Variants in GAB2 observed in about 807,000 individuals in gnomAD.
The protein encoded by GAB2 is GRB2-associated-binding protein 2.
A neutral mutation model predicts 65.5 loss-of-function variants in GAB2; 26 were observed. The ratio of observed to expected loss-of-function variants is 0.40; its 90% CI spans 0.29 to 0.55. The LOEUF (loss-of-function observed/expected upper bound fraction) is 0.55. Among genes scored for constraint, GAB2 ranks in the 20% least tolerant of loss-of-function variants. The probability of loss-of-function intolerance (pLI) is 0.53; values close to 1 mark genes in which losing one functional copy is unlikely to be tolerated. For missense variants in GAB2, 884 were observed against 875.8 expected (o/e 1.01, Z -0.12); for synonymous variants, 321 against 329.6 (o/e 0.97, Z 0.28).
At chr11:78,291,294 CAAAAAAA>C (rs397848614) in intron 1 of GAB2, among the ~76,000 whole-genome samples, 3 of 103,838 alleles carry the variant, frequency 2.9e-5, no homozygotes, top group African/African-American at 7.7e-5. Context: ...ACTAAAACGA[CAAAAAAA>C]AAAAAAAAAA....
intron 2 of GAB2, among the ~76,000 whole-genome samples, chr11:78,266,743 C>A (rs1227366861): frequency 6.6e-6 from 1 of 152,106 alleles, no homozygotes; most frequent in Non-Finnish European, 1.5e-5. Context: ...AAGAGGAGTT[C>A]CAAGGCTGGT....
chr11:78,267,657 G>C (rs1371050615), intron 2 of GAB2, among the ~76,000 whole-genome samples: 3 of 151,776 alleles, frequency 2.0e-5, no homozygotes, highest in Non-Finnish European at 4.4e-5. Flanking sequence ...AGGAGATCGA[G>C]ACCATCCTGG....
chr11:78,219,196 CGGGAGAG>C lies in GAB2; in HGVS notation c.*69_*75del, dbSNP rs368153717. The stretch of plus-strand genomic sequence containing the variant: ...GAGAGGAGGTGGATGGGAGGAAGAA[CGGGAGAG>C]GGGAGAGGGGAGATGGGAAGGGCCA... On this transcript the variant is annotated 3_prime_UTR_variant, in exon 10 of 10. Transcript: ENST00000361507. 7.3e-4 allele frequency: 1,006 copies of C among 1,371,416 alleles called. 4 individuals are homozygous for C. In the African/African-American group the frequency reaches 0.011, roughly 15 times the overall value. The allele number at this position is 1,371,416 out of a possible 1,614,324, so 85.0% of individuals were successfully genotyped here.
chr11:78,225,853 G>C (rs1473478553), intron 4 of GAB2, among the ~76,000 whole-genome samples: 2 of 152,184 alleles, frequency 1.3e-5, no homozygotes, highest in East Asian at 1.9e-4. Flanking sequence ...ACAAGAAAAG[G>C]CTTTGCAAAC....
chr11:78,317,558 CAAAAA>C (rs370515492), intron 1 of GAB2, among the ~76,000 whole-genome samples: 1 of 60,806 alleles, frequency 1.6e-5, no homozygotes, highest in Non-Finnish European at 3.2e-5. Context: ...GACTCCGTCT[CAAAAA>C]AAAAAAAAAA....
At chr11:78,412,174 C>A (rs761582172) in intron 1 of GAB2, among the ~76,000 whole-genome samples, 2 of 151,404 alleles carry the variant, frequency 1.3e-5, no homozygotes, top group African/African-American at 4.8e-5. Flanking sequence ...TACTCAAATT[C>A]TTGAAGACAT....
chr11:78,235,092 T>G (rs1864948564), intron 3 of GAB2, among the ~76,000 whole-genome samples: 1 of 152,138 alleles, frequency 6.6e-6, no homozygotes, highest in Admixed American at 6.5e-5. Context: ...GAGATTAACA[T>G]TAGGCTCCTT....
intron 1 of GAB2, among the ~76,000 whole-genome samples, chr11:78,407,940 A>C (rs911172899): frequency 6.6e-6 from 1 of 152,168 alleles, no homozygotes; most frequent in African/African-American, 2.4e-5. Flanking sequence ...AAATAATTCA[A>C]TATCCAGTGA....
At chr11:78,394,772 A>T (rs1486291713) in intron 1 of GAB2, among the ~76,000 whole-genome samples, 1 of 152,220 alleles carries the variant, frequency 6.6e-6, no homozygotes, top group Non-Finnish European at 1.5e-5. Context: ...ACGGCTGCCC[A>T]ATAAGCAAGT....
At chr11:78,400,192 T>C (rs1856951239) in intron 1 of GAB2, among the ~76,000 whole-genome samples, 2 of 152,222 alleles carry the variant, frequency 1.3e-5, no homozygotes, top group Non-Finnish European at 2.9e-5. Flanking sequence ...ACACCCCATG[T>C]GCACCACCTC....
chr11:78,291,724 T>C (rs1866687266), intron 1 of GAB2, among the ~76,000 whole-genome samples: 1 of 145,324 alleles, frequency 6.9e-6, no homozygotes, highest in Admixed American at 6.9e-5. Context: ...GGATGCGCCA[T>C]CATACCCAGT....
intron 1 of GAB2, among the ~76,000 whole-genome samples, chr11:78,302,864 T>C (rs541774569): frequency 6.6e-6 from 1 of 152,132 alleles, no homozygotes; most frequent in African/African-American, 2.4e-5. Flanking sequence ...TAGTCGACCA[T>C]AAAAAGGAAT....
chr11:78,370,045 C>A (rs1362787826), intron 1 of GAB2, among the ~76,000 whole-genome samples: 1 of 151,852 alleles, frequency 6.6e-6, no homozygotes, highest in Admixed American at 6.6e-5. Context: ...ATCACGAGGT[C>A]AGGAGATCGA....
intron 1 of GAB2, among the ~76,000 whole-genome samples, chr11:78,383,538 A>T (rs192990626): frequency 6.8e-5 from 10 of 147,180 alleles, no homozygotes; most frequent in Admixed American, 3.4e-4. Context: ...TGAGCCCAGG[A>T]GTTTGAGACC....
At chr11:78,297,447 T>A (rs1438499762) in intron 1 of GAB2, among the ~76,000 whole-genome samples, 2 of 152,248 alleles carry the variant, frequency 1.3e-5, no homozygotes, top group East Asian at 3.9e-4. Context: ...AAAACACTTA[T>A]TCAGTTCATA....
chr11:78,282,813 C>T (rs924841850), intron 1 of GAB2, among the ~76,000 whole-genome samples: 5 of 152,172 alleles, frequency 3.3e-5, no homozygotes, highest in African/African-American at 1.2e-4. Flanking sequence ...ATCTACACTC[C>T]ATTAATTCTA....
At chr11:78,382,935 G>A (rs1010719089) in intron 1 of GAB2, among the ~76,000 whole-genome samples, 2 of 152,138 alleles carry the variant, frequency 1.3e-5, no homozygotes, top group African/African-American at 4.8e-5. Context: ...CTAGACTAAC[G>A]TTTCTCAGAA....
intron 3 of GAB2, among the ~76,000 whole-genome samples, chr11:78,249,670 C>T (rs1193072407): frequency 6.6e-6 from 1 of 152,098 alleles, no homozygotes; most frequent in East Asian, 1.9e-4. Context: ...GTGGCTAGTA[C>T]AACTAAGGAA....
intron 3 of GAB2, among the ~76,000 whole-genome samples, chr11:78,246,869 T>C (rs1294925466): frequency 2.0e-5 from 3 of 151,940 alleles, no homozygotes; most frequent in Non-Finnish European, 4.4e-5. Flanking sequence ...TCCTCCTGTG[T>C]ATGGTAGTTC....
Sources: gnomAD v4.1 joint callset for allele counts (sites outside exome capture counted in the v4.1 genomes callset) on GRCh38, gnomAD v4.1.1 for gene constraint, MANE v1.5 for transcripts, NCBI Gene and HGNC (gene_info 2026-07-23, HGNC 2026-07-21) for gene names.